CDK8: variants seen among roughly 807,000 people sequenced by gnomAD.
The protein encoded by CDK8 is cyclin-dependent kinase 8.
A neutral mutation model predicts 71.5 loss-of-function variants in CDK8; 29 were observed. The observed-to-expected ratio is 0.41, with a 90% CI of 0.30 to 0.55. The LOEUF is 0.55. Among genes scored for constraint, CDK8 ranks in the 20% least tolerant of loss-of-function variants. The pLI is 0.37. For missense variants in CDK8, 288 were observed against 572.6 expected, an observed-to-expected ratio of 0.50 and a Z score of 5.07; for synonymous variants, 161 against 192.1, an observed-to-expected ratio of 0.84 and a Z score of 1.34.
At chr13:26,375,166 G>GA (rs1391677355) in intron 4 of CDK8, among the ~76,000 whole-genome samples, 2 of 152,028 alleles carry the variant, frequency 1.3e-5, no homozygotes, top group Admixed American at 1.3e-4. Flanking sequence ...TTTATAAGGA[G>GA]AAAAAAACCA....
chr13:26,362,840 G>A (rs1201776086), intron 4 of CDK8, among the ~76,000 whole-genome samples: 2 of 152,026 alleles, frequency 1.3e-5, no homozygotes, highest in African/African-American at 2.4e-5. Context: ...TTTAAAATAT[G>A]TGATATCCAA....
At chr13:26,391,523 T>C (rs1190228398) in intron 6 of CDK8, among the ~76,000 whole-genome samples, 1 of 152,230 alleles carries the variant, frequency 6.6e-6, no homozygotes, top group Admixed American at 6.5e-5. Context: ...ACAGTGTTTA[T>C]TGGGTGTGCT....
At chr13:26,275,674 G>T (rs1172627850) in intron 1 of CDK8, among the ~76,000 whole-genome samples, 1 of 152,090 alleles carries the variant, frequency 6.6e-6, no homozygotes, top group Non-Finnish European at 1.5e-5. Context: ...AGTAGAGACG[G>T]TTCAATAAAT....
intron 4 of CDK8, among the ~76,000 whole-genome samples, chr13:26,356,453 G>T (rs1373616266): frequency 6.6e-6 from 1 of 151,954 alleles, no homozygotes; most frequent in African/African-American, 2.4e-5. Context: ...CTTTATAAAC[G>T]TCTGACCCTT....
intron 1 of CDK8, among the ~76,000 whole-genome samples, chr13:26,315,979 GT>G (rs1031330348): frequency 6.6e-6 from 1 of 152,184 alleles, no homozygotes; most frequent in African/African-American, 2.4e-5. Context: ...GTTGCAGTTA[GT>G]TTCAGTCAAT....
chr13:26,377,670 A>C (rs1349790174), intron 4 of CDK8, among the ~76,000 whole-genome samples: 1 of 152,144 alleles, frequency 6.6e-6, no homozygotes, highest in South Asian at 2.1e-4. Flanking sequence ...CATACCCCTG[A>C]AAAAAAGAGG....
intron 1 of CDK8, among the ~76,000 whole-genome samples, chr13:26,298,766 A>C (rs966965251): frequency 6.6e-6 from 1 of 152,170 alleles, no homozygotes; most frequent in Non-Finnish European, 1.5e-5. Context: ...CTGGTGAGAA[A>C]GGAGACATAG....
chr13:26,400,389 C>A, intron 9 of CDK8, 64 bp from the exon 10 acceptor site: 1 of 969,528 alleles, frequency 1.0e-6, no homozygotes, highest in South Asian at 1.3e-5. Context: ...ATCGTCTTCA[C>A]ATATGTGCTG....
intron 3 of CDK8, among the ~76,000 whole-genome samples, chr13:26,352,462 C>T (rs144507586): frequency 3.9e-5 from 6 of 152,100 alleles, no homozygotes; most frequent in South Asian, 2.1e-4. Context: ...GTGATCCACC[C>T]GCCTCAGCCT....
intron 1 of CDK8, among the ~76,000 whole-genome samples, chr13:26,318,683 C>T (rs1489568302): frequency 1.3e-5 from 2 of 152,038 alleles, no homozygotes; most frequent in Non-Finnish European, 2.9e-5. Context: ...TGTAATATAC[C>T]ACATTAACAG....
At chr13:26,364,799 G>A (rs1019714466) in intron 4 of CDK8, among the ~76,000 whole-genome samples, 3 of 152,076 alleles carry the variant, frequency 2.0e-5, no homozygotes, top group African/African-American at 7.2e-5. Flanking sequence ...CTAAAAAGAG[G>A]CATTAGTAAA....
chr13:26,346,665 A>G (rs1593278523), intron 2 of CDK8, among the ~76,000 whole-genome samples: 4 of 152,340 alleles, frequency 2.6e-5, no homozygotes, highest in African/African-American at 9.6e-5. Flanking sequence ...GGGAATGGTC[A>G]ATTTTAGATA....
chr13:26,304,859 G>C (rs1478198903), intron 1 of CDK8, among the ~76,000 whole-genome samples: 1 of 151,534 alleles, frequency 6.6e-6, no homozygotes, highest in Non-Finnish European at 1.5e-5. Context: ...ATAGAGATGA[G>C]GGTCTCACTA....
intron 1 of CDK8, among the ~76,000 whole-genome samples, chr13:26,267,620 A>G (rs1183466844): frequency 1.3e-5 from 2 of 152,268 alleles, no homozygotes; most frequent in East Asian, 3.9e-4. Flanking sequence ...TTTTCAGTTC[A>G]TATGTTTTGG....
intron 1 of CDK8, among the ~76,000 whole-genome samples, chr13:26,259,974 C>A (rs2137851371): frequency 6.6e-6 from 1 of 152,206 alleles, no homozygotes; most frequent in South Asian, 2.1e-4. Context: ...AGAAGGAAGT[C>A]CCCAACTGGT....
chr13:26,306,880 C>T (rs1351116467), intron 1 of CDK8, among the ~76,000 whole-genome samples: 3 of 152,162 alleles, frequency 2.0e-5, no homozygotes, highest in South Asian at 2.1e-4. Context: ...CTGCCTGCCT[C>T]GGCCTCCCAA....
intron 1 of CDK8, among the ~76,000 whole-genome samples, chr13:26,329,342 A>T (rs905415440): frequency 6.6e-6 from 1 of 151,840 alleles, no homozygotes; most frequent in Non-Finnish European, 1.5e-5. Flanking sequence ...GTTTTCTTAC[A>T]CAACACATTT....
At chr13:26,288,748 C>T (rs1873148539) in intron 1 of CDK8, among the ~76,000 whole-genome samples, 1 of 152,020 alleles carries the variant, frequency 6.6e-6, no homozygotes, top group Admixed American at 6.6e-5. Flanking sequence ...TTCATTTCTC[C>T]AAGCTTCTGT....
Position 26,312,154 on chromosome 13 carries a change from CTG to C in CDK8, c.129-25410_129-25409del, listed in dbSNP as rs773646198. ...GATTGTAAATGCACCAATCAGCACT[CTG>C]TGAAAACGCAACAATCAGCGCTCTG... On this transcript the variant is annotated intron_variant, in intron 1 of 12. Coordinates refer to ENST00000381527, the MANE Select transcript of CDK8 (RefSeq NM_001260.3). 2.6e-5 allele frequency among the ~76,000 whole-genome samples: 4 copies of C among 152,152 alleles called. No homozygotes were observed. The East Asian group carries it at 7.7e-4, about 29-fold the overall frequency.
Sources: gnomAD v4.1 joint callset for allele counts (sites outside exome capture counted in the v4.1 genomes callset) on GRCh38, gnomAD v4.1.1 for gene constraint, MANE v1.5 for transcripts, NCBI Gene and HGNC (gene_info 2026-07-23, HGNC 2026-07-21) for gene names.